The following RTL4 variants were observed in gnomAD, a reference collection of about 807,000 sequenced individuals.
RTL4 encodes retrotransposon Gag-like protein 4.
Under a neutral mutation model 5.3 loss-of-function variants are expected in RTL4, and 4 were observed. That is an observed-to-expected ratio of 0.75 (90% CI 0.37 to 1.72). The LOEUF (loss-of-function observed/expected upper bound fraction) is 1.72. Among genes scored for constraint, RTL4 ranks in the 40% most tolerant of loss-of-function variants. The pLI is 0.04. For missense variants in RTL4, 260 were observed against 227.1 expected (o/e 1.14, Z -0.93); for synonymous variants, 98 against 87.3 (o/e 1.12, Z -0.68).
At chrX:112,089,408 G>A in the RTL4 span, among the ~76,000 whole-genome samples, 23 of 110,746 alleles carry the variant, frequency 2.1e-4, no homozygotes, top group Admixed American at 1.9e-3. Context: ...AAACCACTTC[G>A]AGTTAATTTT....
the RTL4 span, among the ~76,000 whole-genome samples, chrX:112,240,049 T>C: frequency 8.9e-6 from 1 of 112,171 alleles, no homozygotes; most frequent in African/African-American, 3.2e-5. Flanking sequence ...CAAAAATGCT[T>C]CAATGAGCAT....
At chrX:112,333,785 C>G in the RTL4 span, among the ~76,000 whole-genome samples, 1 of 111,579 alleles carries the variant, frequency 9.0e-6, no homozygotes, top group South Asian at 3.7e-4. Flanking sequence ...AGCATTTATC[C>G]TTTGAGTTAC....
chrX:112,180,776 G>A, the RTL4 span, among the ~76,000 whole-genome samples: 1 of 112,247 alleles, frequency 8.9e-6, no homozygotes, highest in Non-Finnish European at 1.9e-5. Context: ...TAAATCTGAA[G>A]TTGTTATTTT....
upstream of RTL4, among the ~76,000 whole-genome samples, chrX:112,453,867 C>T (rs565615429): frequency 3.6e-5 from 4 of 111,464 alleles, no homozygotes; most frequent in African/African-American, 9.8e-5. Context: ...GCCAGGTGCA[C>T]GAACCATCAT....
At chrX:112,415,689 T>C in the RTL4 span, among the ~76,000 whole-genome samples, 2 of 111,889 alleles carry the variant, frequency 1.8e-5, no homozygotes, top group South Asian at 3.7e-4. Context: ...TCCACTCTTA[T>C]GTGATAGACA....
chrX:112,272,125 A>G, the RTL4 span, among the ~76,000 whole-genome samples: 1 of 111,953 alleles, frequency 8.9e-6, no homozygotes, highest in African/African-American at 3.2e-5. Context: ...GATCTGCAGA[A>G]CTTATTTATC....
At chrX:112,246,896 G>A in the RTL4 span, among the ~76,000 whole-genome samples, 1 of 111,770 alleles carries the variant, frequency 8.9e-6, no homozygotes, top group East Asian at 2.8e-4. Context: ...GAGTGGAGAA[G>A]GTAAAGCTAA....
the RTL4 span, among the ~76,000 whole-genome samples, chrX:112,346,052 A>G: frequency 8.9e-6 from 1 of 112,262 alleles, no homozygotes; most frequent in Admixed American, 9.5e-5. Context: ...ATGCACACAC[A>G]CACATACTTG....
At chrX:112,457,208 T>C (rs1159074408), downstream of RTL4, 8 of 122,633 alleles carry the variant, frequency 6.5e-5, no homozygotes, top group Non-Finnish European at 1.5e-4. Flanking sequence ...CTTACTACTC[T>C]GATTCTGTAG....
chrX:112,337,110 C>T, the RTL4 span, among the ~76,000 whole-genome samples: 3 of 111,483 alleles, frequency 2.7e-5, no homozygotes, highest in African/African-American at 9.8e-5. Flanking sequence ...CTTACTTTAG[C>T]CTGTTAGAAA....
At chrX:112,361,509 G>T in the RTL4 span, among the ~76,000 whole-genome samples, 1 of 111,171 alleles carries the variant, frequency 9.0e-6, no homozygotes, top group Non-Finnish European at 1.9e-5. Context: ...GCTATGTTAG[G>T]ATTCTAATTC....
chrX:112,381,783 T>C, the RTL4 span: 7 of 1,205,910 alleles, frequency 5.8e-6, no homozygotes, highest in South Asian at 1.8e-5. Flanking sequence ...ACAAAGAAAG[T>C]CCAAGCTGAG....
At chrX:112,351,387 G>C in the RTL4 span, among the ~76,000 whole-genome samples, 2 of 109,448 alleles carry the variant, frequency 1.8e-5, no homozygotes, top group Non-Finnish European at 3.8e-5. Context: ...TTAGGTCCAC[G>C]TGGTGCAGAG....
chrX:112,148,327 C>CAA, the RTL4 span, among the ~76,000 whole-genome samples: 5,193 of 62,187 alleles, frequency 0.084, 520 homozygotes, highest in African/African-American at 0.25. Flanking sequence ...TGACTGAGTG[C>CAA]AAAAAAAAAA....
the RTL4 span, among the ~76,000 whole-genome samples, chrX:112,091,307 T>C: frequency 8.9e-6 from 1 of 111,830 alleles, no homozygotes; most frequent in Non-Finnish European, 1.9e-5. Flanking sequence ...TTTAATTTGT[T>C]CTATTACTAG....
chrX:112,371,012 G>A, the RTL4 span, among the ~76,000 whole-genome samples: 1 of 109,834 alleles, frequency 9.1e-6, no homozygotes, highest in Admixed American at 9.8e-5. Flanking sequence ...GCTCTGCAGG[G>A]CCCAAGTGAA....
chrX:112,145,304 C>T, the RTL4 span, among the ~76,000 whole-genome samples: 1 of 111,428 alleles, frequency 9.0e-6, no homozygotes, highest in African/African-American at 3.3e-5. Context: ...TTTCAGAGAG[C>T]TCTATCGATG....
chrX:112,161,788 TCTTCCTTCCTTCCTTCCTTC>T, the RTL4 span, among the ~76,000 whole-genome samples: 15 of 75,486 alleles, frequency 2.0e-4, no homozygotes, highest in African/African-American at 4.5e-4. Flanking sequence ...AGGTTGCTTT[TCTTCCTTCCTTCCTTCCTTC>T]CTTCCTTCCT....
chrX:112,260,279 C>G, the RTL4 span, among the ~76,000 whole-genome samples: 1 of 111,192 alleles, frequency 9.0e-6, no homozygotes. Flanking sequence ...TAACACTGGC[C>G]TATATTCTAT....
Sources: gnomAD v4.1 joint callset for allele counts (sites outside exome capture counted in the v4.1 genomes callset) on GRCh38, gnomAD v4.1.1 for gene constraint, MANE v1.5 for transcripts, NCBI Gene and HGNC (gene_info 2026-07-23, HGNC 2026-07-21) for gene names.